The following SV2C variants were observed in gnomAD, a reference collection of about 807,000 sequenced individuals.
SV2C encodes the protein synaptic vesicle glycoprotein 2C, also known as solute carrier family 22 member B3.
SV2C carries 49 observed loss-of-function variants against 79.7 expected under a neutral mutation model. The ratio of observed to expected loss-of-function variants is 0.61; its 90% confidence interval spans 0.49 to 0.78. SV2C has a LOEUF of 0.78. SV2C is among the 30% of genes least tolerant of loss of function. The probability of loss-of-function intolerance (pLI) is 0.00; values close to 1 mark genes in which losing one functional copy is unlikely to be tolerated. For missense variants in SV2C, 833 were observed against 912.9 expected, an observed-to-expected ratio of 0.91 and a Z score of 1.13; for synonymous variants, 334 against 333.2, an observed-to-expected ratio of 1.00 and a Z score of -0.03.
At chr5:76,022,470 C>T in the SV2C span, among the ~76,000 whole-genome samples, 6 of 152,220 alleles carry the variant, frequency 3.9e-5, no homozygotes, top group Admixed American at 2.6e-4. Flanking sequence ...TCCTCTCTCT[C>T]TCCTTTATAC....
intron 4 of SV2C, chr5:76,281,408 A>G (rs529653182): frequency 6.9e-5 from 19 of 275,968 alleles, no homozygotes; most frequent in Non-Finnish European, 1.2e-4. Flanking sequence ...AAAAAAAAAA[A>G]AAAAGGCAGG....
chr5:76,258,382 C>G (rs1458680638), intron 4 of SV2C, among the ~76,000 whole-genome samples: 1 of 152,118 alleles, frequency 6.6e-6, no homozygotes, highest in Non-Finnish European at 1.5e-5. Flanking sequence ...CTTTGTTAGT[C>G]TTCCAGGGCT....
In SV2C at chr5:76,131,826, A is replaced by T; in HGVS notation, c.76A>T (p.Thr26Ser). 6.2e-7 allele frequency: 1 copy of T among 1,614,120 alleles called. No individual in the cohort carries two copies. Among genetic ancestry groups the T allele is most frequent in the Non-Finnish European group, 8.5e-7 (1 of 1,180,002 alleles). The change falls in exon 2 of 13, where the codon ACA becomes TCA. Residue 26 changes from threonine (T) to serine (S), a missense_variant. Physicochemically the swap from Thr to Ser is moderately conservative, Grantham distance 58 (BLOSUM62 1). Transcript: ENST00000502798. ...CATTGCCAGAGAGGTGAAGAAACAAACAGTAAAGAAGGTGAATCAAGCTGT... is the reference window on the plus strand; with the variant it reads ...CATTGCCAGAGAGGTGAAGAAACAATCAGTAAAGAAGGTGAATCAAGCTGT... ...KDIAREVKKQ[T>S]VKKVNQAVDR...
chr5:75,901,497 T>TG, the SV2C span, among the ~76,000 whole-genome samples: 1 of 152,110 alleles, frequency 6.6e-6, no homozygotes, highest in Non-Finnish European at 1.5e-5. Context: ...CTGCCCCTAC[T>TG]GGGGGGTGCC....
At chr5:76,309,573 C>T (rs1465639628) in intron 12 of SV2C, among the ~76,000 whole-genome samples, 3 of 124,738 alleles carry the variant, frequency 2.4e-5, no homozygotes, top group African/African-American at 9.3e-5. Context: ...GTGCTCCAGC[C>T]TGGGCGACAG....
At chr5:76,045,828 G>A in the SV2C span, among the ~76,000 whole-genome samples, 12 of 152,196 alleles carry the variant, frequency 7.9e-5, no homozygotes, top group Admixed American at 7.9e-4. Context: ...GCTAAAAGAA[G>A]CTGTGCTGGG....
At chr5:76,291,728 A>C (rs377205623) in intron 7 of SV2C, 40 bp from the exon 8 acceptor site, 9 of 1,477,970 alleles carry the variant, frequency 6.1e-6, no homozygotes, top group African/African-American at 1.4e-5. Context: ...GGGTTGACTA[A>C]GTAACTGCAT....
chr5:75,877,940 G>GA, the SV2C span, among the ~76,000 whole-genome samples: 9,137 of 121,140 alleles, frequency 0.075, 847 homozygotes, highest in African/African-American at 0.23. Flanking sequence ...GGGAGTGATA[G>GA]AAAAAAAAAA....
At chr5:76,302,562 G>A (rs187135527) in intron 12 of SV2C, among the ~76,000 whole-genome samples, 3,658 of 149,340 alleles carry the variant, frequency 0.024, 153 homozygotes, top group African/African-American at 0.086. Context: ...CCTGGGAGGC[G>A]GAGGTTGCAG....
At chr5:76,236,498 G>T (rs1039353911) in intron 4 of SV2C, among the ~76,000 whole-genome samples, 1 of 151,962 alleles carries the variant, frequency 6.6e-6, no homozygotes, top group African/African-American at 2.4e-5. Context: ...GGGGGCAGAG[G>T]TTGCAATGAT....
chr5:76,046,000 G>A, the SV2C span, among the ~76,000 whole-genome samples: 1 of 152,178 alleles, frequency 6.6e-6, no homozygotes, highest in Non-Finnish European at 1.5e-5. Context: ...GAACTCATCA[G>A]TGAACAAAAC....
chr5:76,010,988 T>A, the SV2C span, among the ~76,000 whole-genome samples: 1 of 152,194 alleles, frequency 6.6e-6, no homozygotes, highest in Non-Finnish European at 1.5e-5. Flanking sequence ...GAAGCAAAGC[T>A]GCGTGTTTTC....
At chr5:76,073,810 C>T in the SV2C span, among the ~76,000 whole-genome samples, 1 of 151,910 alleles carries the variant, frequency 6.6e-6, no homozygotes, top group African/African-American at 2.4e-5. Context: ...ACACTGCTCG[C>T]GTGATGGGTG....
chr5:76,116,975 T>C (rs1431057101), intron 1 of SV2C, among the ~76,000 whole-genome samples: 1 of 152,120 alleles, frequency 6.6e-6, no homozygotes, highest in South Asian at 2.1e-4. Context: ...TGGGTCCAGA[T>C]CTACAGAAGG....
At chr5:76,038,104 C>T in the SV2C span, among the ~76,000 whole-genome samples, 3 of 152,258 alleles carry the variant, frequency 2.0e-5, no homozygotes, top group Non-Finnish European at 4.4e-5. Flanking sequence ...CTTCGGCTCA[C>T]GCACGGTGCG....
At chr5:76,215,319 G>T (rs571658014) in intron 4 of SV2C, among the ~76,000 whole-genome samples, 32 of 152,118 alleles carry the variant, frequency 2.1e-4, no homozygotes, top group African/African-American at 6.7e-4. Flanking sequence ...GGGTGGGAGT[G>T]GGGGGATGTG....
chr5:75,984,559 A>ATCTATCTG, the SV2C span, among the ~76,000 whole-genome samples: 1 of 99,608 alleles, frequency 1.0e-5, no homozygotes, highest in Middle Eastern at 6.0e-3. Context: ...CTATCTATCT[A>ATCTATCTG]TCTATCTATA....
intron 2 of SV2C, among the ~76,000 whole-genome samples, chr5:76,182,347 T>G (rs1168756654): frequency 6.6e-6 from 1 of 152,160 alleles, no homozygotes; most frequent in African/African-American, 2.4e-5. Context: ...TAATGTGAAC[T>G]TCAACTCTTC....
chr5:76,072,114 AAAACT>A, the SV2C span, among the ~76,000 whole-genome samples: 3 of 152,168 alleles, frequency 2.0e-5, no homozygotes. Flanking sequence ...AAATTTTAAA[AAAACT>A]ATAGATATGC....
Sources: gnomAD v4.1 joint callset for allele counts (sites outside exome capture counted in the v4.1 genomes callset) on GRCh38, gnomAD v4.1.1 for gene constraint, MANE v1.5 for transcripts, NCBI Gene and HGNC (gene_info 2026-07-23, HGNC 2026-07-21) for gene names.